PDK1: variants seen among roughly 807,000 people sequenced by gnomAD.
PDK1 encodes the protein pyruvate dehydrogenase kinase 1, also known as [Pyruvate dehydrogenase (acetyl-transferring)] kinase isozyme 1, mitochondrial.
Under a neutral mutation model 54.2 loss-of-function variants are expected in PDK1, and 39 were observed. The ratio of observed to expected loss-of-function variants is 0.72; its 90% CI spans 0.56 to 0.94. PDK1 has a LOEUF of 0.94. Among genes scored for constraint, PDK1 ranks in the 40% least tolerant of loss-of-function variants. The probability of loss-of-function intolerance (pLI) is 0.00; values close to 1 mark genes in which losing one functional copy is unlikely to be tolerated. For missense variants in PDK1, 552 were observed against 566.0 expected, an observed-to-expected ratio of 0.98 and a Z score of 0.25; for synonymous variants, 221 against 207.1, an observed-to-expected ratio of 1.07 and a Z score of -0.58.
the PDK1 span, among the ~76,000 whole-genome samples, chr2:172,640,055 T>C: frequency 3.3e-5 from 5 of 152,258 alleles, no homozygotes; most frequent in Admixed American, 1.3e-4. Context: ...ACCAAGGAGA[T>C]AGGACTGGAT....
rs1388185750 is a variant in PDK1, at chr2:172,574,304, G to A, written c.945+3480G>A. On this transcript the variant is annotated intron_variant, in intron 8 of 10. Coordinates refer to ENST00000282077, the MANE Select transcript of PDK1 (RefSeq NM_002610.5). ...CATTGATGTATATATCTCTCGTTATGCAAGTACTTAATGCCTGTCTCAATG... is the reference window on the plus strand; with the variant it reads ...CATTGATGTATATATCTCTCGTTATACAAGTACTTAATGCCTGTCTCAATG... 3.9e-5 allele frequency among the ~76,000 whole-genome samples: 6 copies of A among 152,266 alleles called. No individual in the cohort carries two copies. In the East Asian group the frequency reaches 7.7e-4, roughly 20 times the overall value.
chr2:172,641,014 CTTTCTTTTCTT>C, the PDK1 span, among the ~76,000 whole-genome samples: 1 of 132,630 alleles, frequency 7.5e-6, no homozygotes, highest in Non-Finnish European at 1.6e-5. Flanking sequence ...TTCTTTCTTT[CTTTCTTTTCTT>C]TTTCTTTCTC....
chr2:172,667,763 C>T, the PDK1 span, among the ~76,000 whole-genome samples: 1 of 152,212 alleles, frequency 6.6e-6, no homozygotes, highest in African/African-American at 2.4e-5. Flanking sequence ...CCATCACATA[C>T]TAACACAGCT....
At chr2:172,594,567 G>A (rs1024138398) in intron 10 of PDK1, among the ~76,000 whole-genome samples, 10 of 152,228 alleles carry the variant, frequency 6.6e-5, no homozygotes, top group Admixed American at 1.3e-4. Flanking sequence ...CCTGTGGGCT[G>A]TGGATTGGAC....
At chr2:172,645,325 C>T in the PDK1 span, among the ~76,000 whole-genome samples, 1 of 114,330 alleles carries the variant, frequency 8.7e-6, no homozygotes, top group Non-Finnish European at 1.6e-5. Flanking sequence ...GGCTGGAGTG[C>T]AGTGGCACGA....
chr2:172,677,276 G>A, the PDK1 span: 2 of 152,214 alleles, frequency 1.3e-5, no homozygotes, highest in African/African-American at 2.4e-5. Flanking sequence ...TGCTTCCTCA[G>A]ATGGGACCGG....
chr2:172,710,249 G>A, the PDK1 span, among the ~76,000 whole-genome samples: 2 of 152,330 alleles, frequency 1.3e-5, no homozygotes, highest in Middle Eastern at 3.4e-3. Flanking sequence ...GTTGGAAGCT[G>A]ATCCAAATTC....
the PDK1 span, among the ~76,000 whole-genome samples, chr2:172,705,012 A>G: frequency 6.6e-6 from 1 of 152,254 alleles, no homozygotes; most frequent in Non-Finnish European, 1.5e-5. Flanking sequence ...AAAAGGTGGA[A>G]AACTTTATAG....
chr2:172,608,640 TTTGA>T lies in PDK1; in HGVS notation c.*12674_*12677del, dbSNP rs1247155312. ...TCTCTCCTTATTCCATTTTCTTCTG[TTTGA>T]TTAAAATCCTGCATGTTCTCCTGCA... On this transcript the variant is annotated 3_prime_UTR_variant, in exon 11 of 11. Transcript: ENST00000282077. 1 of 152,192 alleles carries T rather than the reference TTTGA, an allele frequency of 6.6e-6. No individual in the cohort carries two copies. Among genetic ancestry groups the T allele is most frequent in the African/African-American group, 2.4e-5 (1 of 41,440 alleles). The allele number at this position is 152,192 out of a possible 1,614,324, so 9.4% of individuals were successfully genotyped here. A position where few individuals can be genotyped will look rare whatever the true frequency, so the allele number is the denominator to read the frequency against.
chr2:172,662,727 G>A, the PDK1 span, among the ~76,000 whole-genome samples: 1 of 152,166 alleles, frequency 6.6e-6, no homozygotes, highest in East Asian at 1.9e-4. Context: ...ACCCTACAAA[G>A]CACTTCTTTG....
chr2:172,703,722 C>T, the PDK1 span, among the ~76,000 whole-genome samples: 1 of 145,532 alleles, frequency 6.9e-6, no homozygotes, highest in Non-Finnish European at 1.5e-5. Context: ...TGTAAGTTTT[C>T]ATCACTCTTT....
chr2:172,644,656 C>T, the PDK1 span, among the ~76,000 whole-genome samples: 9 of 152,166 alleles, frequency 5.9e-5, no homozygotes, highest in African/African-American at 1.7e-4. Context: ...AGCTCTGAGC[C>T]GCAGGATAAA....
chr2:172,687,834 C>T, the PDK1 span, among the ~76,000 whole-genome samples: 2 of 152,118 alleles, frequency 1.3e-5, no homozygotes, highest in Non-Finnish European at 2.9e-5. Flanking sequence ...AGTCAATTGC[C>T]CCGACAAGAT....
chr2:172,612,688 C>T (rs555735607), downstream of PDK1, among the ~76,000 whole-genome samples: 28 of 151,378 alleles, frequency 1.8e-4, no homozygotes, highest in Non-Finnish European at 3.5e-4. Context: ...TTTTTTGAGA[C>T]GGAGTTTCAC....
the PDK1 span, among the ~76,000 whole-genome samples, chr2:172,703,766 CTTTTTTTTTTT>C: frequency 2.2e-5 from 2 of 89,118 alleles, no homozygotes; most frequent in East Asian, 3.0e-4. Flanking sequence ...TTCTTTCTTT[CTTTTTTTTTTT>C]TTTTTTTTTT....
At chr2:172,632,023 C>G in the PDK1 span, among the ~76,000 whole-genome samples, 2 of 152,008 alleles carry the variant, frequency 1.3e-5, no homozygotes, top group African/African-American at 4.8e-5. Context: ...CACCTGTAAT[C>G]CCAGCACTTT....
At chr2:172,636,071 C>G in the PDK1 span, among the ~76,000 whole-genome samples, 1 of 152,286 alleles carries the variant, frequency 6.6e-6, no homozygotes, top group East Asian at 1.9e-4. Flanking sequence ...AATTCTTCTT[C>G]CAGTGGCCTT....
intron 8 of PDK1, among the ~76,000 whole-genome samples, chr2:172,573,735 CG>C (rs1689424649): frequency 6.6e-6 from 1 of 151,640 alleles, no homozygotes; most frequent in Non-Finnish European, 1.5e-5. Flanking sequence ...TCTCCCATTC[CG>C]TGGGTTCTTT....
chr2:172,624,880 C>G, the PDK1 span, among the ~76,000 whole-genome samples: 1 of 151,762 alleles, frequency 6.6e-6, no homozygotes, highest in African/African-American at 2.4e-5. Context: ...CCCAGCTACT[C>G]GGGAGGGTGA....
Sources: allele counts gnomAD v4.1 joint callset (sites outside exome capture counted in the v4.1 genomes callset), GRCh38; gene constraint gnomAD v4.1.1; transcripts MANE v1.5; gene names NCBI Gene and HGNC (gene_info 2026-07-23, HGNC 2026-07-21).